PTPRN2: variants seen among roughly 807,000 people sequenced by gnomAD.
PTPRN2 encodes the protein receptor-type tyrosine-protein phosphatase N2.
PTPRN2 carries 74 observed loss-of-function variants against 118.8 expected under a neutral mutation model. The ratio of observed to expected loss-of-function variants is 0.62; its 90% confidence interval spans 0.52 to 0.76. The LOEUF (loss-of-function observed/expected upper bound fraction) is 0.76, where lower values mean the gene tolerates loss of function less well. Among genes scored for constraint, PTPRN2 ranks in the 30% least tolerant of loss-of-function variants. PTPRN2 has a pLI of 0.00. For missense variants in PTPRN2, 1,481 were observed against 1,394.4 expected, an observed-to-expected ratio of 1.06 and a Z score of -0.99; for synonymous variants, 641 against 608.0, an observed-to-expected ratio of 1.05 and a Z score of -0.80.
intron 12 of PTPRN2, among the ~76,000 whole-genome samples, chr7:157,715,113 G>T (rs1798837320): frequency 6.6e-6 from 1 of 152,222 alleles, no homozygotes; most frequent in African/African-American, 2.4e-5. Flanking sequence ...TGGCTTCTGT[G>T]TCATCTTCAC....
intron 3 of PTPRN2, among the ~76,000 whole-genome samples, chr7:158,273,766 GA>G (rs2150974749): frequency 1.7e-5 from 2 of 120,176 alleles, no homozygotes; most frequent in Non-Finnish European, 1.7e-5. Context: ...GCCACAGACA[GA>G]CATGGGAGGA....
rs1027573800 is a variant in PTPRN2 at position 157,893,448 on chromosome 7, A to G, written c.1788+5225T>C. 9.2e-5 allele frequency among the ~76,000 whole-genome samples: 14 copies of G among 152,352 alleles called. No homozygotes were observed. The highest frequency in any genetic ancestry group is 2.9e-4 in the African/African-American group (12 of 41,574). On this transcript the variant is annotated intron_variant, in intron 12 of 22. Coordinates refer to ENST00000389418, the MANE Select transcript of PTPRN2 (RefSeq NM_002847.5). The surrounding 1 kb of genome is among the most constrained non-coding windows in gnomAD (Gnocchi z 4.0). ...GGGCATCAGGAGTGGGCAGAGGCCA[A>G]TTCTTTCCAGAGTTAAATAGTCCAC...
chr7:157,576,701 C>A lies in PTPRN2; in HGVS notation c.2695G>T (p.Glu899Ter), dbSNP rs116890852. ...TGGAACTGCGTCACGGTGCGCGTCT[C>A]GTTGGTCTGCAGGTTCTTCAGATAG... ...SFYLKNLQTN[E>*]TRTVTQFHFL... Residue 899 changes from glutamate to a stop codon, truncating the protein, a stop_gained, in exon 19 of 23, where the codon GAG becomes TAG. Transcript: ENST00000389418. LOFTEE classifies it high-confidence loss of function. 2 of 1,610,912 alleles carry A rather than the reference C, an allele frequency of 1.2e-6. No individual in the cohort carries two copies. The highest frequency in any genetic ancestry group is 1.7e-6 in the Non-Finnish European group (2 of 1,178,368).
At chr7:157,543,312 G>A (rs1444216650) in intron 22 of PTPRN2, among the ~76,000 whole-genome samples, 1 of 152,262 alleles carries the variant, frequency 6.6e-6, no homozygotes, top group African/African-American at 2.4e-5. Flanking sequence ...TTTGAGGCCT[G>A]TTGGAGAAAG....
chr7:157,890,907 T>C (rs558809119), intron 12 of PTPRN2, among the ~76,000 whole-genome samples: 4 of 152,322 alleles, frequency 2.6e-5, no homozygotes, highest in Non-Finnish European at 5.9e-5. Flanking sequence ...ACATTTAATG[T>C]GCCTGACAAA....
At chr7:158,262,364 TCACTGCACACACATACACACATTCACA>T (rs1563053707) in intron 3 of PTPRN2, among the ~76,000 whole-genome samples, 11 of 141,658 alleles carry the variant, frequency 7.8e-5, no homozygotes, top group Admixed American at 1.4e-4. Flanking sequence ...CTGCAAACAT[TCACTGCACACACATACACACATTCACA>T]CACACTGCAC....
rs550914960 is a variant in PTPRN2 at position 158,075,527 on chromosome 7, C to T, written c.1723+5771G>A. Among the ~76,000 whole-genome samples, 9 of 152,302 alleles carry T rather than the reference C, an allele frequency of 5.9e-5. No homozygotes were observed. The South Asian group carries it at 6.2e-4, about 11-fold the overall frequency. ...CCAACGCAGCAGGTCCAGCAGGAGA[C>T]GGGCACTGAGCCTGCGGGGCCCACT... On this transcript the variant is annotated intron_variant, in intron 11 of 22. Transcript: ENST00000389418.
At chr7:157,909,872 C>T (rs114808650) in intron 11 of PTPRN2, among the ~76,000 whole-genome samples, 173 of 152,322 alleles carry the variant, frequency 1.1e-3, no homozygotes, top group African/African-American at 4.0e-3. Context: ...AGGACCTCAA[C>T]GATTATCTGT....
At chr7:158,267,613 G>A (rs1797970678) in intron 3 of PTPRN2, among the ~76,000 whole-genome samples, 1 of 152,150 alleles carries the variant, frequency 6.6e-6, no homozygotes, top group Non-Finnish European at 1.5e-5. Context: ...GTGGCCTGGG[G>A]GCCTGCCCCT....
At chr7:157,558,716 G>C (rs1799028888) in intron 21 of PTPRN2, among the ~76,000 whole-genome samples, 1 of 152,196 alleles carries the variant, frequency 6.6e-6, no homozygotes, top group Non-Finnish European at 1.5e-5. Context: ...TGCTTCCGGG[G>C]GCCTGGCCTT....
At chr7:158,331,239 C>T (rs76439551) in intron 2 of PTPRN2, among the ~76,000 whole-genome samples, 1 of 145,308 alleles carries the variant, frequency 6.9e-6, no homozygotes, top group Non-Finnish European at 1.5e-5. Flanking sequence ...CGCCCGCAGA[C>T]GTCACTCACA....
intron 10 of PTPRN2, among the ~76,000 whole-genome samples, chr7:158,100,226 C>A (rs191809778): frequency 1.3e-5 from 2 of 149,910 alleles, no homozygotes; most frequent in East Asian, 2.0e-4. Context: ...CTTTTTATGG[C>A]TGAATAGTAT....
intron 11 of PTPRN2, among the ~76,000 whole-genome samples, chr7:158,070,770 C>G (rs1168880721): frequency 3.0e-5 from 2 of 67,064 alleles, no homozygotes; most frequent in African/African-American, 6.9e-5. Context: ...TGGAGGTGCT[C>G]ATGGTGGAGG....
intron 5 of PTPRN2, among the ~76,000 whole-genome samples, chr7:158,190,516 G>A (rs1273346731): frequency 6.6e-6 from 1 of 152,200 alleles, no homozygotes; most frequent in African/African-American, 2.4e-5. Flanking sequence ...GATGGGAGGT[G>A]GGCCTGGCAC....
At chr7:157,657,688 C>G (rs2150745154) in intron 13 of PTPRN2, among the ~76,000 whole-genome samples, 1 of 129,414 alleles carries the variant, frequency 7.7e-6, no homozygotes, top group Admixed American at 7.7e-5. Flanking sequence ...CCACACACAT[C>G]ACACATATAC....
intron 5 of PTPRN2, among the ~76,000 whole-genome samples, chr7:158,177,998 G>A (rs1356366523): frequency 6.6e-6 from 1 of 152,126 alleles, no homozygotes; most frequent in Non-Finnish European, 1.5e-5. Flanking sequence ...GAGAGGTCCA[G>A]CTCCTCCACC....
At chr7:158,521,008 C>T (rs1823949239) in intron 1 of PTPRN2, among the ~76,000 whole-genome samples, 1 of 152,238 alleles carries the variant, frequency 6.6e-6, no homozygotes, top group South Asian at 2.1e-4. Flanking sequence ...TCCCTCTTAT[C>T]TCTCCCACAG....
chr7:157,675,429 G>T (rs1373001253), intron 13 of PTPRN2, among the ~76,000 whole-genome samples: 1 of 152,190 alleles, frequency 6.6e-6, no homozygotes, highest in Non-Finnish European at 1.5e-5. Flanking sequence ...GGCTCACCCG[G>T]GCGCCTTCTC....
rs1825853512 is a variant in PTPRN2, at chr7:158,192,485, G to GT, written c.390dup (p.His131ThrfsTer53). On this transcript the variant is annotated frameshift_variant, in exon 5 of 23. Transcript: ENST00000389418. LOFTEE classifies it high-confidence loss of function. ...TACCTCCTCTCGCTGCCAACGCTGTGTTTTGAGGGCCTGAAAAAGCAAAAG... is the reference window on the plus strand; with the variant it reads ...TACCTCCTCTCGCTGCCAACGCTGTGTTTTTGAGGGCCTGAAAAAGCAAAAG... The GT allele has an allele frequency of 6.3e-7, 1 of 1,582,484 alleles. No individual in the cohort carries two copies. Among genetic ancestry groups the GT allele is most frequent in the Admixed American group, 1.8e-5 (1 of 54,348 alleles).
Sources: allele counts gnomAD v4.1 joint callset (sites outside exome capture counted in the v4.1 genomes callset), GRCh38; gene constraint gnomAD v4.1.1; non-coding constraint Gnocchi (gnomAD v3.1); transcripts MANE v1.5; gene names NCBI Gene and HGNC (gene_info 2026-07-23, HGNC 2026-07-21).